Variants in CACNA1H observed in about 807,000 individuals in gnomAD.
CACNA1H encodes voltage-dependent T-type calcium channel subunit alpha-1H.
CACNA1H carries 149 observed loss-of-function variants against 192.5 expected under a neutral mutation model. The ratio of observed to expected loss-of-function variants is 0.77; its 90% CI spans 0.68 to 0.89. The LOEUF (loss-of-function observed/expected upper bound fraction) is 0.89, where lower values mean the gene tolerates loss of function less well. Among genes scored for constraint, CACNA1H ranks in the 40% least tolerant of loss-of-function variants. CACNA1H has a pLI of 0.00. For missense variants in CACNA1H, 4,257 were observed against 3,423.5 expected, an observed-to-expected ratio of 1.24 and a Z score of -6.08; for synonymous variants, 2,202 against 1,475.2, an observed-to-expected ratio of 1.49 and a Z score of -11.29.
At chr16:1,210,220 A>G in intron 18 of CACNA1H, 85 bp downstream of exon 18, 6 of 1,296,248 alleles carry the variant, frequency 4.6e-6, no homozygotes, top group Non-Finnish European at 6.5e-6. Flanking sequence ...TGGGGCTAGC[A>G]CATGGTGGAT....
In CACNA1H at chr16:1,220,140, C is replaced by G. The variant is rs758461760; in HGVS notation, c.6208C>G (p.Arg2070Gly). 1 of 1,506,516 alleles carries G rather than the reference C, an allele frequency of 6.6e-7. No individual in the cohort carries two copies. The highest frequency in any genetic ancestry group is 1.4e-5 in the South Asian group (1 of 73,608). The allele number at this position is 1,506,516 out of a possible 1,614,324, so 93.3% of individuals were successfully genotyped here. Residue 2070 changes from arginine to glycine, a missense_variant, in exon 35 of 35, where the codon CGT becomes GGT. Transcript: ENST00000348261. ...RSPRPASVRT[R>G]KHTFGQRCVS... ...CCCACGGCCCGCCAGCGTCCGCACT[C>G]GTAAGCATACCTTCGGACAGCGCTG... is the stretch of plus-strand genomic sequence containing the variant.
chr16:1,171,993 G>A (rs1056998669), intron 2 of CACNA1H, among the ~76,000 whole-genome samples: 3 of 152,238 alleles, frequency 2.0e-5, no homozygotes, highest in African/African-American at 7.2e-5. Flanking sequence ...GGTTCGCGTG[G>A]GCCCCCCGCC....
intron 2 of CACNA1H, among the ~76,000 whole-genome samples, chr16:1,190,707 G>A (rs115923361): frequency 6.6e-5 from 10 of 152,272 alleles, no homozygotes; most frequent in African/African-American, 2.4e-4. Flanking sequence ...AGGCACAGGG[G>A]TGGGGTCCTT....
At chr16:1,195,593 C>T (rs551248143) in intron 4 of CACNA1H, 28 bp downstream of exon 4, 50 of 1,579,416 alleles carry the variant, frequency 3.2e-5, no homozygotes, top group Admixed American at 9.1e-5. Flanking sequence ...GAGGCCACAG[C>T]GCTGGCGAAG....
Position 1,219,170 on chromosome 16 carries a change from A to AT in CACNA1H, c.6048+41dup, listed in dbSNP as rs200598211. 6 of 1,480,806 alleles carry AT rather than the reference A, an allele frequency of 4.1e-6. No individual in the cohort carries two copies. The East Asian group carries it at 1.5e-4, about 38-fold the overall frequency. The allele number at this position is 1,480,806 out of a possible 1,614,324, so 91.7% of individuals were successfully genotyped here. ...TGGCCTGCAGCAGAGGCTGGCGGGG[A>AT]TGGGGGGCTTGCAGGGATGCCTCGT... On this transcript the variant is annotated intron_variant, in intron 34 of 34. Coordinates refer to ENST00000348261, the MANE Select transcript of CACNA1H (RefSeq NM_021098.3).
At chr16:1,161,280 G>A (rs558682805) in intron 2 of CACNA1H, among the ~76,000 whole-genome samples, 119 of 152,252 alleles carry the variant, frequency 7.8e-4, no homozygotes, top group Admixed American at 2.5e-3. Context: ...ATTAATGAAC[G>A]CTGTCAACTG....
chr16:1,211,745 C>T lies in CACNA1H; in HGVS notation c.4506C>T (p.Ser1502=). Residue 1502 remains serine (S), a synonymous_variant, in exon 24 of 35, where the codon TCC becomes TCT. Transcript: ENST00000348261. ...TGATGTCGCTGTTCGTGCTGTCATC[C>T]AAGGATGGATGGGTGAACATCATGT... is the stretch of plus-strand genomic sequence containing the variant. ...QALMSLFVLS[S]KDGWVNIMYD... The T allele has an allele frequency of 1.2e-6, 2 of 1,612,684 alleles. No individual in the cohort carries two copies. Among genetic ancestry groups the T allele is most frequent in the Non-Finnish European group, 1.7e-6 (2 of 1,179,726 alleles).
intron 2 of CACNA1H, among the ~76,000 whole-genome samples, chr16:1,160,927 C>T (rs892311153): frequency 2.6e-5 from 4 of 152,054 alleles, no homozygotes; most frequent in African/African-American, 9.7e-5. Flanking sequence ...CAGCCCAGTG[C>T]GGCCCCCCCC....
At chr16:1,188,630 G>C (rs985188580) in intron 2 of CACNA1H, among the ~76,000 whole-genome samples, 3 of 152,218 alleles carry the variant, frequency 2.0e-5, no homozygotes, top group African/African-American at 7.2e-5. Flanking sequence ...GCGCCCAGGG[G>C]CCGGGAGAAA....
chr16:1,195,067 G>T lies in CACNA1H; in HGVS notation c.395G>T (p.Arg132Leu). The T allele has an allele frequency of 6.2e-7, 1 of 1,605,026 alleles. No homozygotes were observed. Among genetic ancestry groups the T allele is most frequent in the Non-Finnish European group, 8.5e-7 (1 of 1,174,178 alleles). The change falls in exon 3 of 35, where the codon CGC (arginine) becomes CTC (leucine). Residue 132 changes from arginine to leucine, a missense_variant. Physicochemically the swap from Arg to Leu is moderately radical, Grantham distance 102. Transcript: ENST00000348261. ...PCEDVECGSE[R>L]CNILEAFDAF... ...GAGGACGTTGAGTGCGGCTCCGAGC[G>T]CTGCAACATCCTGGAGGTGAGGGGC...
intron 2 of CACNA1H, 39 bp downstream of exon 2, chr16:1,154,075 CGTGGGGAGGGTGGGGG>C: frequency 1.7e-5 from 1 of 57,258 alleles, no homozygotes; most frequent in African/African-American, 2.1e-4. Context: ...GGGCGGGGGG[CGTGGGGAGGGTGGGGG>C]CCCGGGGCGC....
In CACNA1H at chr16:1,208,002, C is replaced by G. The variant is rs371691311; in HGVS notation, c.3155-11C>G. The stretch of plus-strand genomic sequence containing the variant: ...CAGCTCTAGGGGCCCATTCCTCCCT[C>G]TGTCCCGCAGAGCTGAAGATGTGTT... On this transcript the variant is annotated splice_polypyrimidine_tract_variant and intron_variant, in intron 15 of 34. Coordinates refer to ENST00000348261, the MANE Select transcript of CACNA1H (RefSeq NM_021098.3). 7.0e-5 allele frequency: 112 copies of G among 1,595,500 alleles called. 1 individual carries two copies. In the Middle Eastern group the frequency reaches 1.7e-3, roughly 24 times the overall value.
intron 6 of CACNA1H, among the ~76,000 whole-genome samples, 163 bp from the exon 7 acceptor site, chr16:1,200,093 C>T (rs1036568396): frequency 2.6e-5 from 4 of 152,150 alleles, no homozygotes; most frequent in Non-Finnish European, 4.4e-5. Flanking sequence ...TCCTATCATG[C>T]CCCCTGACCC....
intron 2 of CACNA1H, among the ~76,000 whole-genome samples, chr16:1,178,841 G>T (rs1175494935): frequency 1.3e-5 from 2 of 152,232 alleles, no homozygotes; most frequent in Non-Finnish European, 2.9e-5. Flanking sequence ...GGGCAGGCAG[G>T]TGTGGCTGCC....
intron 2 of CACNA1H, among the ~76,000 whole-genome samples, chr16:1,168,046 G>A (rs1963974011): frequency 6.6e-6 from 1 of 152,178 alleles, no homozygotes; most frequent in South Asian, 2.1e-4. Context: ...ATTTTGTAAG[G>A]AGCCGCTGTG....
rs1425663395 is a variant in CACNA1H, at chr16:1,202,292, C to T, written c.1842C>T (p.Pro614=). The change falls in exon 9 of 35, where the codon CCC becomes CCT. Residue 614 remains proline, a synonymous_variant. Transcript: ENST00000348261. ...CAGGGCTGGGCACCATGAACTACCC[C>T]ACGATCCTGCCCTCAGGGGTGGGCA... ...LATGLGTMNY[P]TILPSGVGSG... 3 of 1,584,634 alleles carry T rather than the reference C, an allele frequency of 1.9e-6. No homozygotes were observed. Among genetic ancestry groups the T allele is most frequent in the African/African-American group, 2.7e-5 (2 of 74,226 alleles).
At chr16:1,217,380 C>G (rs4984770) in intron 31 of CACNA1H, among the ~76,000 whole-genome samples, 130,412 of 152,248 alleles carry the variant, frequency 0.86, 56,069 homozygotes, top group East Asian at 1. Context: ...TGTTGGCTGT[C>G]TCCCCTTACC....
chr16:1,218,674 A>G (rs765517968), intron 33 of CACNA1H, 23 bp downstream of exon 33: 33 of 1,243,732 alleles, frequency 2.7e-5, no homozygotes, highest in Non-Finnish European at 3.2e-5. Flanking sequence ...GCAGGAAGAT[A>G]TGGGCTGGGT....
chr16:1,202,510 G>A (rs1178658829), intron 9 of CACNA1H, 58 bp downstream of exon 9: 1 of 1,399,096 alleles, frequency 7.1e-7, no homozygotes, highest in Non-Finnish European at 9.4e-7. Context: ...GGGCGGGCAG[G>A]GTCTCCGGTG....
Sources: allele counts gnomAD v4.1 joint callset (sites outside exome capture counted in the v4.1 genomes callset), GRCh38; gene constraint gnomAD v4.1.1; transcripts MANE v1.5; gene names NCBI Gene and HGNC (gene_info 2026-07-23, HGNC 2026-07-21).